Variants in ELAPOR1 observed in about 807,000 individuals in gnomAD.
The protein encoded by ELAPOR1 is endosome/lysosome-associated apoptosis and autophagy regulator 1.
Under a neutral mutation model 119.7 loss-of-function variants are expected in ELAPOR1, and 77 were observed. The observed-to-expected ratio is 0.64, with a 90% CI of 0.54 to 0.78. The LOEUF is 0.78. ELAPOR1 is among the 30% of genes least tolerant of loss of function. The pLI, the probability that ELAPOR1 is intolerant of heterozygous loss-of-function variation, is 0.00. For missense variants in ELAPOR1, 1,115 were observed against 1,270.4 expected, an observed-to-expected ratio of 0.88 and a Z score of 1.86; for synonymous variants, 481 against 487.2, an observed-to-expected ratio of 0.99 and a Z score of 0.17.
chr1:109,140,484 T>G (rs1649760823), intron 1 of ELAPOR1, among the ~76,000 whole-genome samples: 1 of 152,126 alleles, frequency 6.6e-6, no homozygotes, highest in Non-Finnish European at 1.5e-5. Flanking sequence ...GACTTGCATT[T>G]TGTATAGATC....
intron 8 of ELAPOR1, chr1:109,187,960 A>G (rs1011533599): frequency 1.2e-5 from 15 of 1,297,978 alleles, no homozygotes; most frequent in Non-Finnish European, 1.3e-5. Context: ...CCCAGGCAAC[A>G]TTCATTTGGC....
chr1:109,179,676 C>T (rs948884849), intron 7 of ELAPOR1, among the ~76,000 whole-genome samples: 1 of 152,042 alleles, frequency 6.6e-6, no homozygotes, highest in Non-Finnish European at 1.5e-5. Context: ...GAGGCTGAGG[C>T]AGGTGGATCA....
At chr1:109,189,964 A>G (rs1335137165) in intron 11 of ELAPOR1, among the ~76,000 whole-genome samples, 1 of 152,112 alleles carries the variant, frequency 6.6e-6, no homozygotes, top group African/African-American at 2.4e-5. Context: ...GCATCACTTA[A>G]GATTAGAAAA....
chr1:109,200,973 G>C, intron 21 of ELAPOR1, 73 bp downstream of exon 21: 1 of 1,444,962 alleles, frequency 6.9e-7, no homozygotes, highest in Non-Finnish European at 9.4e-7. Flanking sequence ...GACACTGAAT[G>C]GTCCTGTACC....
Position 109,191,475 on chromosome 1 carries a change from C to T in ELAPOR1, c.1545+4C>T, listed in dbSNP as rs760926880. ...CTGTGAGCTCTACTTCATGGTGGTACGTTTTCCTTTCTTTGCCCGCTAGAG... is the reference window on the plus strand; with the variant it reads ...CTGTGAGCTCTACTTCATGGTGGTATGTTTTCCTTTCTTTGCCCGCTAGAG... On this transcript the variant is annotated splice_donor_region_variant and intron_variant, in intron 12 of 21. Transcript: ENST00000369939. 34 of 1,612,112 alleles carry T rather than the reference C, an allele frequency of 2.1e-5. No homozygotes were observed. The highest frequency in any genetic ancestry group is 2.6e-5 in the Non-Finnish European group (31 of 1,178,150).
intron 7 of ELAPOR1, among the ~76,000 whole-genome samples, chr1:109,184,286 A>G (rs1181203488): frequency 6.6e-6 from 1 of 152,010 alleles, no homozygotes; most frequent in Non-Finnish European, 1.5e-5. Context: ...CAGGAGAATC[A>G]CTTGAACCTG....
At chr1:109,191,006 T>C (rs986531958) in intron 11 of ELAPOR1, among the ~76,000 whole-genome samples, 1 of 152,236 alleles carries the variant, frequency 6.6e-6, no homozygotes. Flanking sequence ...CCTGAGGTTC[T>C]GCAGTTCTAA....
intron 1 of ELAPOR1, among the ~76,000 whole-genome samples, chr1:109,129,022 G>A (rs1488211524): frequency 1.3e-5 from 2 of 152,214 alleles, no homozygotes; most frequent in Non-Finnish European, 2.9e-5. Flanking sequence ...AATCATCAGA[G>A]TATTTTACAG....
chr1:109,187,628 A>G, intron 8 of ELAPOR1: 8 of 1,002,170 alleles, frequency 8.0e-6, no homozygotes, highest in Non-Finnish European at 9.6e-6. Context: ...CCACTTCTGT[A>G]CCCAATGCAG....
At chr1:109,117,532 G>A (rs1369271198) in intron 1 of ELAPOR1, among the ~76,000 whole-genome samples, 1 of 152,216 alleles carries the variant, frequency 6.6e-6, no homozygotes, top group African/African-American at 2.4e-5. Flanking sequence ...TGTTGAATGA[G>A]TGATGCCATT....
chr1:109,156,984 C>T (rs1650917796), intron 1 of ELAPOR1, among the ~76,000 whole-genome samples: 1 of 152,206 alleles, frequency 6.6e-6, no homozygotes, highest in Non-Finnish European at 1.5e-5. Flanking sequence ...TGGGCAGGCA[C>T]AAACAATAGA....
chr1:109,159,109 G>C (rs1264853900), intron 1 of ELAPOR1, among the ~76,000 whole-genome samples: 1 of 152,050 alleles, frequency 6.6e-6, no homozygotes, highest in Non-Finnish European at 1.5e-5. Context: ...GGTCAGGCTG[G>C]TCTCAAACTC....
At chr1:109,164,725 C>T (rs750251022) in intron 3 of ELAPOR1, 34 bp downstream of exon 3, 2 of 1,577,066 alleles carry the variant, frequency 1.3e-6, no homozygotes, top group Non-Finnish European at 1.7e-6. Flanking sequence ...CCACCCCCAG[C>T]CCACTGGGTA....
chr1:109,135,029 C>T (rs777338141), intron 1 of ELAPOR1, among the ~76,000 whole-genome samples: 7 of 152,142 alleles, frequency 4.6e-5, no homozygotes, highest in Admixed American at 1.3e-4. Flanking sequence ...CTGGCAACTA[C>T]GCAGGTGACT....
At chr1:109,145,981 A>T (rs1167881831) in intron 1 of ELAPOR1, among the ~76,000 whole-genome samples, 1 of 152,220 alleles carries the variant, frequency 6.6e-6, no homozygotes, top group African/African-American at 2.4e-5. Flanking sequence ...GGCAATATTC[A>T]AAGAGAATAT....
intron 5 of ELAPOR1, 55 bp downstream of exon 5, chr1:109,172,623 T>C (rs1004316077): frequency 7.4e-7 from 1 of 1,353,052 alleles, no homozygotes; most frequent in Non-Finnish European, 1.1e-6. Flanking sequence ...CCCAGGGCCT[T>C]TCCTCAGAGA....
intron 1 of ELAPOR1, among the ~76,000 whole-genome samples, chr1:109,131,985 A>G (rs1452404968): frequency 6.6e-6 from 1 of 152,200 alleles, no homozygotes; most frequent in Non-Finnish European, 1.5e-5. Flanking sequence ...AAGGAGAAAG[A>G]TTAGACTTGA....
At chr1:109,185,421 G>A (rs903314234) in intron 8 of ELAPOR1, among the ~76,000 whole-genome samples, 3 of 147,588 alleles carry the variant, frequency 2.0e-5, no homozygotes, top group African/African-American at 7.6e-5. Context: ...TCTATTTGCC[G>A]AGCCACTCCG....
At chr1:109,131,359 C>T (rs1339190242) in intron 1 of ELAPOR1, among the ~76,000 whole-genome samples, 2 of 152,146 alleles carry the variant, frequency 1.3e-5, no homozygotes, top group African/African-American at 2.4e-5. Flanking sequence ...AAGCAAGTCA[C>T]GAAATTCAGT....
Sources: allele counts gnomAD v4.1 joint callset (sites outside exome capture counted in the v4.1 genomes callset), GRCh38; gene constraint gnomAD v4.1.1; transcripts MANE v1.5; gene names NCBI Gene and HGNC (gene_info 2026-07-23, HGNC 2026-07-21).